The following AIG1 variants were observed in gnomAD, a reference collection of about 807,000 sequenced individuals.
AIG1 encodes the protein androgen-induced gene 1 protein.
AIG1 carries 23 observed loss-of-function variants against 31.4 expected under a neutral mutation model. That is an observed-to-expected ratio of 0.73 (90% CI 0.53 to 1.04). AIG1 has a LOEUF of 1.04. Among genes scored for constraint, AIG1 ranks in the 50% least tolerant of loss-of-function variants. AIG1 has a pLI of 0.00. For synonymous variants in AIG1, 100 were observed against 110.5 expected, an observed-to-expected ratio of 0.90 and a Z score of 0.60; for missense variants, 274 against 295.0, an observed-to-expected ratio of 0.93 and a Z score of 0.52.
At chr6:143,275,507 C>T (rs1230524119) in intron 3 of AIG1, among the ~76,000 whole-genome samples, 2 of 152,186 alleles carry the variant, frequency 1.3e-5, no homozygotes. Flanking sequence ...ACCTCCCTCA[C>T]CCTCACCCGT....
chr6:143,212,001 G>A (rs1485082496), intron 3 of AIG1, among the ~76,000 whole-genome samples: 2 of 152,098 alleles, frequency 1.3e-5, no homozygotes, highest in African/African-American at 4.8e-5. Flanking sequence ...CTCAGCCTCA[G>A]CATTATTGAC....
chr6:143,118,093 A>G (rs1781892278), intron 1 of AIG1, among the ~76,000 whole-genome samples: 1 of 152,168 alleles, frequency 6.6e-6, no homozygotes, highest in Non-Finnish European at 1.5e-5. Flanking sequence ...TGATTCAGAA[A>G]AGGACAAAAG....
chr6:143,128,252 G>C (rs569042039), intron 1 of AIG1, among the ~76,000 whole-genome samples: 2 of 152,266 alleles, frequency 1.3e-5, no homozygotes, highest in Admixed American at 1.3e-4. Flanking sequence ...TTGCGAAAAT[G>C]AATTTAAAAT....
chr6:143,308,090 T>C (rs539268787), intron 4 of AIG1, among the ~76,000 whole-genome samples: 101 of 152,184 alleles, frequency 6.6e-4, no homozygotes, highest in African/African-American at 2.3e-3. Flanking sequence ...AGTGACCCGA[T>C]TTTCCAGGTG....
At chr6:143,131,511 A>G (rs987165670) in intron 1 of AIG1, among the ~76,000 whole-genome samples, 3 of 152,240 alleles carry the variant, frequency 2.0e-5, no homozygotes, top group African/African-American at 7.2e-5. Flanking sequence ...AGATGAGGAA[A>G]GCAGAAAGGA....
intron 1 of AIG1, among the ~76,000 whole-genome samples, chr6:143,086,176 A>C (rs1308857917): frequency 6.6e-6 from 1 of 152,206 alleles, no homozygotes; most frequent in African/African-American, 2.4e-5. Flanking sequence ...TAGGAAGGCT[A>C]CGGGTTGTCA....
At chr6:143,319,440 A>C (rs1328701411) in intron 4 of AIG1, among the ~76,000 whole-genome samples, 1 of 152,238 alleles carries the variant, frequency 6.6e-6, no homozygotes, top group African/African-American at 2.4e-5. Context: ...ACACAAAGGC[A>C]TAAGAATGAT....
chr6:143,079,779 CTTTTTTTTTT>C (rs78637706), intron 1 of AIG1, among the ~76,000 whole-genome samples: 1 of 106,972 alleles, frequency 9.3e-6, no homozygotes, highest in African/African-American at 3.6e-5. Flanking sequence ...GGATAGATTC[CTTTTTTTTTT>C]TTTTTTTTTT....
At chr6:143,073,664 C>G (rs989672416) in intron 1 of AIG1, among the ~76,000 whole-genome samples, 1 of 152,140 alleles carries the variant, frequency 6.6e-6, no homozygotes, top group Non-Finnish European at 1.5e-5. Context: ...TTAATTGGCT[C>G]ATGGTTCTGC....
At chr6:143,106,956 C>T (rs1780860531) in intron 1 of AIG1, among the ~76,000 whole-genome samples, 1 of 152,132 alleles carries the variant, frequency 6.6e-6, no homozygotes, top group Non-Finnish European at 1.5e-5. Flanking sequence ...GAGAGCTCTA[C>T]CCTCATGACT....
intron 1 of AIG1, among the ~76,000 whole-genome samples, chr6:143,080,717 T>C (rs545413974): frequency 1.1e-4 from 16 of 152,196 alleles, no homozygotes; most frequent in East Asian, 5.8e-4. Flanking sequence ...GCAGATCCTC[T>C]AGAGGTTCAC....
intron 3 of AIG1, among the ~76,000 whole-genome samples, chr6:143,185,194 C>A (rs867838260): frequency 8.0e-4 from 108 of 134,952 alleles, no homozygotes; most frequent in Admixed American, 1.2e-3. Context: ...GACTCCATCT[C>A]AAAAAAAAAA....
chr6:143,205,582 T>C (rs1349615812), intron 3 of AIG1, among the ~76,000 whole-genome samples: 1 of 152,220 alleles, frequency 6.6e-6, no homozygotes, highest in Non-Finnish European at 1.5e-5. Flanking sequence ...TTTCTGTTGT[T>C]GATGTAAAGT....
chr6:143,095,373 A>G (rs1040007778), intron 1 of AIG1, among the ~76,000 whole-genome samples: 7 of 152,206 alleles, frequency 4.6e-5, no homozygotes, highest in Admixed American at 2.6e-4. Context: ...CTTTCAGGCA[A>G]AACACATAAG....
Position 143,329,594 on chromosome 6 carries a change from A to C in AIG1, c.516-3688A>C, listed in dbSNP as rs1333891710. Among the ~76,000 whole-genome samples, 1 of 152,226 alleles carries C rather than the reference A, an allele frequency of 6.6e-6. No individual in the cohort carries two copies. The highest frequency in any genetic ancestry group is 1.5e-5 in the Non-Finnish European group (1 of 68,042). ...AAGACTAGATGACATTGTGTGCTGA[A>C]GGAACTTTGTGAAATACAAAGAACT... On this transcript the variant is annotated intron_variant, in intron 4 of 5. Coordinates refer to ENST00000357847, the MANE Select transcript of AIG1 (RefSeq NM_016108.4). This position sits in a 1 kb window ranked among gnomAD's most constrained non-coding sequence, Gnocchi z 4.9.
chr6:143,104,848 G>T (rs984977620), intron 1 of AIG1, among the ~76,000 whole-genome samples: 1 of 151,912 alleles, frequency 6.6e-6, no homozygotes, highest in Non-Finnish European at 1.5e-5. Context: ...AGACTTTGAT[G>T]TGATGCTGCC....
At chr6:143,061,094 C>G in intron 1 of AIG1, 28 bp downstream of exon 1, 1 of 1,609,178 alleles carries the variant, frequency 6.2e-7, no homozygotes, top group Non-Finnish European at 8.5e-7. Flanking sequence ...CCCTGCTCGC[C>G]CCGCACCCCG....
chr6:143,271,224 C>T (rs1403263916), intron 3 of AIG1, among the ~76,000 whole-genome samples: 1 of 152,194 alleles, frequency 6.6e-6, no homozygotes, highest in Admixed American at 6.5e-5. Context: ...AGCTCCAGAG[C>T]ACCATCTCAG....
intron 3 of AIG1, among the ~76,000 whole-genome samples, chr6:143,217,729 G>C (rs1792145822): frequency 6.6e-6 from 1 of 152,110 alleles, no homozygotes; most frequent in Admixed American, 6.5e-5. Context: ...GGCTCATCTG[G>C]AACTTCTCAT....
Sources: allele counts gnomAD v4.1 joint callset (sites outside exome capture counted in the v4.1 genomes callset), GRCh38; gene constraint gnomAD v4.1.1; non-coding constraint Gnocchi (gnomAD v3.1); transcripts MANE v1.5; gene names NCBI Gene and HGNC (gene_info 2026-07-23, HGNC 2026-07-21).